The following PREX2 variants were observed in gnomAD, a reference collection of about 807,000 sequenced individuals.
The protein encoded by PREX2 is phosphatidylinositol 3,4,5-trisphosphate-dependent Rac exchanger 2 protein.
Under a neutral mutation model 203.2 loss-of-function variants are expected in PREX2, and 107 were observed. The ratio of observed to expected loss-of-function variants is 0.53; its 90% CI spans 0.45 to 0.62. The LOEUF is 0.62. PREX2 is among the 20% of genes least tolerant of loss of function. The pLI is 0.00. For missense variants in PREX2, 1,777 were observed against 1,955.9 expected (o/e 0.91, Z 1.72); for synonymous variants, 672 against 663.6 (o/e 1.01, Z -0.19).
At chr8:68,069,669 ATAT>A (rs1343896138) in intron 12 of PREX2, among the ~76,000 whole-genome samples, 163 bp from the exon 13 acceptor site, 2 of 150,632 alleles carry the variant, frequency 1.3e-5, no homozygotes, top group Non-Finnish European at 3.0e-5. Flanking sequence ...GATTTAAATC[ATAT>A]TATTTTTATG....
intron 1 of PREX2, among the ~76,000 whole-genome samples, chr8:67,991,170 T>C (rs546491943): frequency 6.6e-6 from 1 of 152,296 alleles, no homozygotes; most frequent in South Asian, 2.1e-4. Context: ...ATTATACTTT[T>C]ATTAGGAGAA....
intron 5 of PREX2, among the ~76,000 whole-genome samples, chr8:68,028,964 G>T (rs1034648817): frequency 6.6e-6 from 1 of 151,892 alleles, no homozygotes; most frequent in Non-Finnish European, 1.5e-5. Context: ...CCTCCTTTCC[G>T]TTTTCTGGTA....
intron 1 of PREX2, among the ~76,000 whole-genome samples, chr8:67,991,274 A>G (rs1806598318): frequency 6.6e-6 from 1 of 152,190 alleles, no homozygotes; most frequent in African/African-American, 2.4e-5. Flanking sequence ...CTCAGACTCC[A>G]GAGTTCATAT....
At chr8:68,102,858 A>G in intron 23 of PREX2, 1 of 518,620 alleles carries the variant, frequency 1.9e-6, no homozygotes, top group Non-Finnish European at 3.8e-6. Flanking sequence ...AAACCTGGTC[A>G]GACCTTACTG....
chr8:68,018,487 A>T (rs1473111363), intron 2 of PREX2, among the ~76,000 whole-genome samples: 1 of 152,054 alleles, frequency 6.6e-6, no homozygotes, highest in African/African-American at 2.4e-5. Flanking sequence ...AAATAAATAA[A>T]TAAAATGAAT....
At chr8:68,149,865 G>T (rs1385911709) in intron 34 of PREX2, among the ~76,000 whole-genome samples, 1 of 152,182 alleles carries the variant, frequency 6.6e-6, no homozygotes, top group African/African-American at 2.4e-5. Context: ...ATTATGAAAC[G>T]CTGTGCAATT....
rs1170476826 is a variant in PREX2 at position 68,072,444 on chromosome 8, C to T, written c.1494-51C>T. On this transcript the variant is annotated intron_variant, in intron 13 of 39. Transcript: ENST00000288368. ...ATATTTTCTTGTGCTTACCTACCCTCTTGCTTAATTTTTGTTTTTTGTTTG... is the reference window on the plus strand; with the variant it reads ...ATATTTTCTTGTGCTTACCTACCCTTTTGCTTAATTTTTGTTTTTTGTTTG... The T allele has an allele frequency of 4.0e-6, 4 of 1,006,372 alleles. No individual in the cohort carries two copies. The African/African-American group carries it at 6.5e-5, about 16-fold the overall frequency. 62.3% of individuals were successfully genotyped at this position (1,006,372 alleles called of 1,614,324 possible). A position where few individuals can be genotyped will look rare whatever the true frequency, so the allele number is the denominator to read the frequency against.
intron 1 of PREX2, among the ~76,000 whole-genome samples, chr8:67,978,624 G>T (rs192820104): frequency 9.3e-4 from 141 of 152,164 alleles, no homozygotes; most frequent in Middle Eastern, 3.4e-3. Flanking sequence ...GGATATTTGG[G>T]TAGTTTCCAG....
intron 3 of PREX2, 29 bp from the exon 4 acceptor site, chr8:68,022,007 G>A (rs1329916763): frequency 1.9e-6 from 2 of 1,028,668 alleles, no homozygotes; most frequent in Non-Finnish European, 3.1e-6. Context: ...TGAATAAAAT[G>A]ACTAATTTAT....
In PREX2 at chr8:67,999,069, T is replaced by A. The variant is rs529456757; in HGVS notation, c.142-18777T>A. 1.8e-4 allele frequency among the ~76,000 whole-genome samples: 28 copies of A among 152,254 alleles called. No individual in the cohort carries two copies. In the South Asian group the frequency reaches 2.5e-3, roughly 14 times the overall value. On this transcript the variant is annotated intron_variant, in intron 1 of 39. Transcript: ENST00000288368. ...CTTTCTACATCTCAATTGAAATACA[T>A]AAATTCTGGGTAAAGCTTTTAAAAA...
intron 25 of PREX2, among the ~76,000 whole-genome samples, chr8:68,113,640 G>T (rs770770115): frequency 2.0e-5 from 3 of 152,186 alleles, no homozygotes; most frequent in Admixed American, 2.0e-4. Context: ...CCTATAAAAT[G>T]TCAAAATATT....
At chr8:68,177,929 G>C (rs557207621) in intron 35 of PREX2, among the ~76,000 whole-genome samples, 2 of 152,228 alleles carry the variant, frequency 1.3e-5, no homozygotes, top group East Asian at 3.9e-4. Context: ...TGAGGCTAAT[G>C]GCTTCCACCG....
intron 1 of PREX2, among the ~76,000 whole-genome samples, chr8:68,005,972 A>G (rs1455302446): frequency 1.3e-5 from 2 of 152,250 alleles, no homozygotes; most frequent in Admixed American, 6.5e-5. Flanking sequence ...ATTTCAGGAC[A>G]TATGCATTAG....
chr8:68,004,270 T>C (rs190483919), intron 1 of PREX2, among the ~76,000 whole-genome samples: 252 of 152,332 alleles, frequency 1.7e-3, no homozygotes, highest in Non-Finnish European at 2.4e-3. Flanking sequence ...CCTCACAGGA[T>C]TACTGAAGCA....
intron 34 of PREX2, among the ~76,000 whole-genome samples, chr8:68,155,276 A>G (rs529863416): frequency 1.3e-5 from 2 of 152,300 alleles, no homozygotes; most frequent in Admixed American, 6.5e-5. Flanking sequence ...GAAATAAACA[A>G]ATTAAAAATC....
At chr8:68,086,144 A>G (rs1015834379) in intron 18 of PREX2, among the ~76,000 whole-genome samples, 27 of 152,218 alleles carry the variant, frequency 1.8e-4, no homozygotes, top group Admixed American at 6.5e-5. Context: ...AGGATAAAGG[A>G]TACATTAATT....
intron 1 of PREX2, among the ~76,000 whole-genome samples, chr8:67,954,120 A>G (rs1052094113): frequency 7.2e-5 from 11 of 152,224 alleles, no homozygotes; most frequent in African/African-American, 2.7e-4. Context: ...TCATTACAAC[A>G]GAAAACTTAC....
intron 38 of PREX2, among the ~76,000 whole-genome samples, chr8:68,219,522 T>C (rs1812912176): frequency 6.6e-6 from 1 of 152,222 alleles, no homozygotes. Context: ...TATCACTTGT[T>C]CTTCCCCCGA....
At position 67,952,320 on chromosome 8, in the gene PREX2, G is replaced by A; in HGVS notation, c.-75G>A. Reference sequence around the variant, plus strand: ...GGCAACTTTCCATTCTCGCCGCCGGGGGCCGGGCAGCAGCGGGCGCGCGGG... The same window carrying A: ...GGCAACTTTCCATTCTCGCCGCCGGAGGCCGGGCAGCAGCGGGCGCGCGGG... On this transcript the variant is annotated 5_prime_UTR_variant, in exon 1 of 40. Transcript: ENST00000288368. 1 of 1,263,906 alleles carries A rather than the reference G, an allele frequency of 7.9e-7. No individual in the cohort carries two copies. The highest frequency in any genetic ancestry group is 1.0e-6 in the Non-Finnish European group (1 of 994,498). 78.3% of individuals were successfully genotyped at this position (1,263,906 alleles called of 1,614,324 possible).
Sources: gnomAD v4.1 joint callset for allele counts (sites outside exome capture counted in the v4.1 genomes callset) on GRCh38, gnomAD v4.1.1 for gene constraint, MANE v1.5 for transcripts, NCBI Gene and HGNC (gene_info 2026-07-23, HGNC 2026-07-21) for gene names.